CARMIL3: variants seen among roughly 807,000 people sequenced by gnomAD.
CARMIL3 encodes capping protein regulator and myosin 1 linker 3, also known as capping protein, Arp2/3 and myosin-I linker protein 3.
Under a neutral mutation model 180.8 loss-of-function variants are expected in CARMIL3, and 88 were observed. The ratio of observed to expected loss-of-function variants is 0.49; its 90% CI spans 0.41 to 0.58. The LOEUF is 0.58. CARMIL3 is among the 20% of genes least tolerant of loss of function. The probability of loss-of-function intolerance (pLI) is 0.00; values close to 1 mark genes in which losing one functional copy is unlikely to be tolerated. For synonymous variants in CARMIL3, 696 were observed against 714.5 expected, an observed-to-expected ratio of 0.97 and a Z score of 0.41; for missense variants, 1,548 against 1,787.0, an observed-to-expected ratio of 0.87 and a Z score of 2.41.
At position 24,056,669 on chromosome 14, in the gene CARMIL3, A is replaced by T. The variant is rs1401872533; in HGVS notation, c.913A>T (p.Thr305Ser). The T allele has an allele frequency of 6.2e-7, 1 of 1,613,696 alleles. No individual in the cohort carries two copies. The highest frequency in any genetic ancestry group is 1.7e-5 in the Admixed American group (1 of 60,026). The stretch of plus-strand genomic sequence containing the variant: ...GCTCCTCTGCTTCCCCTCTGGCCTC[A>T]CCAAACTGTGCCTGGCCAAGACTGC... ...QQLLCFPSGL[T>S]KLCLAKTAIS... The change falls in exon 12 of 40, where the codon ACC becomes TCC. Residue 305 changes from threonine to serine, a missense_variant. Transcript: ENST00000342740.
Position 24,052,029 on chromosome 14 carries a change from A to T in CARMIL3, c.-125A>T. ...CGCTCAAGCAGCCGCCCCTGACCGGAGCGGGCTCGGCCGCTGCTGCAGCGC... is the reference window on the plus strand; with the variant it reads ...CGCTCAAGCAGCCGCCCCTGACCGGTGCGGGCTCGGCCGCTGCTGCAGCGC... On this transcript the variant is annotated 5_prime_UTR_variant, in exon 1 of 40. Coordinates refer to ENST00000342740, the MANE Select transcript of CARMIL3 (RefSeq NM_138360.4). 1.1e-6 allele frequency: 1 copy of T among 911,276 alleles called. No homozygotes were observed. Among genetic ancestry groups the T allele is most frequent in the Non-Finnish European group, 1.5e-6 (1 of 663,962 alleles). The allele number at this position is 911,276 out of a possible 1,614,324, so 56.4% of individuals were successfully genotyped here. A position where few individuals can be genotyped will look rare whatever the true frequency, so the allele number is the denominator to read the frequency against.
intron 13 of CARMIL3, 39 bp downstream of exon 13, chr14:24,057,063 A>G: frequency 6.2e-7 from 1 of 1,603,858 alleles, no homozygotes; most frequent in Non-Finnish European, 8.5e-7. Context: ...TGCAGAAAGC[A>G]TGCTTAAGCT....
intron 27 of CARMIL3, chr14:24,062,253 C>T: frequency 1.7e-6 from 1 of 590,188 alleles, no homozygotes; most frequent in East Asian, 2.8e-5. Flanking sequence ...ATTCCTCTTT[C>T]CCCACACATA....
In CARMIL3 at chr14:24,063,385, T is replaced by A; in HGVS notation, c.2831T>A (p.Phe944Tyr). 1 of 1,613,204 alleles carries A rather than the reference T, an allele frequency of 6.2e-7. No individual in the cohort carries two copies. The highest frequency in any genetic ancestry group is 8.5e-7 in the Non-Finnish European group (1 of 1,179,682). The change falls in exon 31 of 40, where the codon TTC (phenylalanine) becomes TAC (tyrosine). Residue 944 changes from phenylalanine (F) to tyrosine (Y), a missense_variant. Coordinates refer to ENST00000342740, the MANE Select transcript of CARMIL3 (RefSeq NM_138360.4). Reference protein sequence around the residue: ...LGNLGIPPGWFSGLGGSQPTA... With the variant: ...LGNLGIPPGWYSGLGGSQPTA... ...AATCTGGGGATCCCCCCTGGCTGGT[T>A]CTCAGGACTTGGGGGCAGCCAGCCC... is the stretch of plus-strand genomic sequence containing the variant.
At position 24,063,162 on chromosome 14, in the gene CARMIL3, C is replaced by A; in HGVS notation, c.2749C>A (p.Arg917=). Residue 917 remains arginine (R), a synonymous_variant, in exon 30 of 40, where the codon CGG becomes AGG. Coordinates refer to ENST00000342740, the MANE Select transcript of CARMIL3 (RefSeq NM_138360.4). ...AAAGCAGAAACGCTGCCGCAAGATT[C>A]GGCCGGTGTCTGCCTTCATCAGTGA... is the stretch of plus-strand genomic sequence containing the variant. ...IKKQKRCRKI[R]PVSAFISGSP... 6.2e-7 allele frequency: 1 copy of A among 1,613,394 alleles called. No homozygotes were observed.
chr14:24,065,690 C>G lies in CARMIL3; in HGVS notation c.3465C>G (p.His1155Gln). ...APGTAQQPRVHGVALPGLERA... is the reference protein window; with the variant it reads ...APGTAQQPRVQGVALPGLERA... ...GGACAGCACAGCAGCCAAGGGTTCACGGTGTTGCCCTTCCCGGGTTGGAAA... is the reference window on the plus strand; with the variant it reads ...GGACAGCACAGCAGCCAAGGGTTCAGGGTGTTGCCCTTCCCGGGTTGGAAA... Residue 1155 changes from histidine (H) to glutamine (Q), a missense_variant, in exon 34 of 40, where the codon CAC becomes CAG. This residue lies in a region of CARMIL3 where 668 missense variants were observed against 687.8 expected (regional missense o/e 0.97). Transcript: ENST00000342740. 6.2e-7 allele frequency: 1 copy of G among 1,614,032 alleles called. No individual in the cohort carries two copies.
chr14:24,055,878 C>T, intron 10 of CARMIL3, 89 bp downstream of exon 10: 1 of 1,194,372 alleles, frequency 8.4e-7, no homozygotes, highest in Admixed American at 1.9e-5. Context: ...GGCCTCTGGA[C>T]TATCTTATCC....
At position 24,061,844 on chromosome 14, in the gene CARMIL3, T is replaced by C; in HGVS notation, c.2480+172T>C. 1 of 802,590 alleles carries C rather than the reference T, an allele frequency of 1.2e-6. No individual in the cohort carries two copies. The highest frequency in any genetic ancestry group is 1.9e-6 in the Non-Finnish European group (1 of 529,284). The allele number at this position is 802,590 out of a possible 1,614,324, so 49.7% of individuals were successfully genotyped here. A position where few individuals can be genotyped will look rare whatever the true frequency, so the allele number is the denominator to read the frequency against. The stretch of plus-strand genomic sequence containing the variant: ...TTTAGGGTCTGGCTGGTCTTTGCCC[T>C]AGAAATCTAAGTGCTGAGCTGGGGT... On this transcript the variant is annotated intron_variant, in intron 27 of 39. Transcript: ENST00000342740. The surrounding 1 kb of genome is among the most constrained non-coding windows in gnomAD (Gnocchi z 4.1).
chr14:24,056,475 G>C, intron 11 of CARMIL3, 82 bp downstream of exon 11: 1 of 1,500,574 alleles, frequency 6.7e-7, no homozygotes, highest in Non-Finnish European at 9.2e-7. Flanking sequence ...CTGAACAGCA[G>C]CTCTCCAGCC....
chr14:24,058,686 T>C lies in CARMIL3; in HGVS notation c.1399T>C (p.Ser467Pro). 6.2e-7 allele frequency: 1 copy of C among 1,614,082 alleles called. No homozygotes were observed. Among genetic ancestry groups the C allele is most frequent in the Non-Finnish European group, 8.5e-7 (1 of 1,180,010 alleles). The change falls in exon 18 of 40, where the codon TCA (serine) becomes CCA (proline). Residue 467 changes from serine to proline, a missense_variant. By Grantham distance (74) the Ser-to-Pro change is moderately conservative. Coordinates refer to ENST00000342740, the MANE Select transcript of CARMIL3 (RefSeq NM_138360.4). This position sits in a 1 kb window ranked among gnomAD's most constrained non-coding sequence, Gnocchi z 6.4. The stretch of plus-strand genomic sequence containing the variant: ...CCTCACCTTGTCCCTGCAGCTCCGT[T>C]CAGCGGGAGCCCAAGCCTTGCAGGA... ...HLDLSSCELR[S>P]AGAQALQEQL... is the part of the protein sequence containing the mutation.
At chr14:24,062,598 C>CG in intron 28 of CARMIL3, 31 bp downstream of exon 28, 2 of 1,613,568 alleles carry the variant, frequency 1.2e-6, no homozygotes, top group Non-Finnish European at 1.7e-6. Flanking sequence ...TGGCCTGGCT[C>CG]GGGCACGCCC....
chr14:24,058,463 G>A lies in CARMIL3; in HGVS notation c.1393-217G>A, dbSNP rs7146599. 0.39 allele frequency among the ~76,000 whole-genome samples: 58,613 copies of A among 151,996 alleles called. 13,739 individuals are homozygous for A. Among genetic ancestry groups the A allele is most frequent in the Middle Eastern group, 0.56 (165 of 294 alleles). The stretch of plus-strand genomic sequence containing the variant: ...GAGATACCAGACTTTTCCACCAGAG[G>A]GCAGGAGCAAGCTGTCTTAGGAATA... On this transcript the variant is annotated intron_variant, in intron 17 of 39. Transcript: ENST00000342740. The surrounding 1 kb of genome is among the most constrained non-coding windows in gnomAD (Gnocchi z 6.4).
rs144419221 is a variant in CARMIL3 at position 24,065,705 on chromosome 14, C to T, written c.3480C>T (p.Pro1160=). Residue 1160 remains proline, a synonymous_variant, in exon 34 of 40, where the codon CCC becomes CCT. Transcript: ENST00000342740. ...CAAGGGTTCACGGTGTTGCCCTTCC[C>T]GGGTTGGAAAGAGCCAAGGGTTGGA... The part of the protein sequence containing the change: ...QQPRVHGVAL[P]GLERAKGWSF... 12 of 1,613,930 alleles carry T rather than the reference C, an allele frequency of 7.4e-6. No individual in the cohort carries two copies. Among genetic ancestry groups the T allele is most frequent in the South Asian group, 2.2e-5 (2 of 91,080 alleles).
chr14:24,063,989 G>T (rs1594553207), intron 31 of CARMIL3, among the ~76,000 whole-genome samples: 1 of 152,078 alleles, frequency 6.6e-6, no homozygotes, highest in South Asian at 2.1e-4. Flanking sequence ...AGCTACTCGG[G>T]AGGCTGAGGC....
Position 24,069,192 on chromosome 14 carries a change from G to T in CARMIL3, c.4038G>T (p.Arg1346=), listed in dbSNP as rs199580659. 1 of 1,614,052 alleles carries T rather than the reference G, an allele frequency of 6.2e-7. No homozygotes were observed. Among genetic ancestry groups the T allele is most frequent in the East Asian group, 2.2e-5 (1 of 44,884 alleles). ...TAPLKPKRTR[R]AQSCDKLEPD... ...CCCTGAAGCCCAAGAGGACACGGCGGGCACAGTCCTGTGACAAGCTGGAAC... is the reference window on the plus strand; with the variant it reads ...CCCTGAAGCCCAAGAGGACACGGCGTGCACAGTCCTGTGACAAGCTGGAAC... Residue 1346 remains arginine, a synonymous_variant, in exon 39 of 40, where the codon CGG becomes CGT. Transcript: ENST00000342740.
Position 24,062,496 on chromosome 14 carries a change from G to T in CARMIL3, c.2497G>T (p.Val833Phe), listed in dbSNP as rs762381980. ...TGCCCACAGTGAAGTGAAGCTCTCA[G>T]TCGTCACCTACCTAACCAGCTCCAT... is the stretch of plus-strand genomic sequence containing the variant. ...QNKLDEVKLS[V>F]VTYLTSSIVD... The change falls in exon 28 of 40, where the codon GTC (valine) becomes TTC (phenylalanine). Residue 833 changes from valine to phenylalanine, a missense_variant. Transcript: ENST00000342740. 2 of 1,614,188 alleles carry T rather than the reference G, an allele frequency of 1.2e-6. No homozygotes were observed. The highest frequency in any genetic ancestry group is 2.2e-5 in the East Asian group (1 of 44,890).
intron 29 of CARMIL3, 82 bp from the exon 30 acceptor site, chr14:24,063,038 G>C: frequency 6.3e-7 from 1 of 1,575,990 alleles, no homozygotes; most frequent in Non-Finnish European, 8.7e-7. Flanking sequence ...CGAGGGGCAG[G>C]ATGGGCTCAA....
chr14:24,053,061 T>TGC (rs1172849464), intron 1 of CARMIL3, among the ~76,000 whole-genome samples: 1 of 146,434 alleles, frequency 6.8e-6, no homozygotes, highest in African/African-American at 2.7e-5. Context: ...CACACGCGCG[T>TGC]GCACACACAC....
At position 24,058,328 on chromosome 14, in the gene CARMIL3, C is replaced by T. The variant is rs918741842; in HGVS notation, c.1392+104C>T. The T allele has an allele frequency of 4.2e-5, 55 of 1,295,954 alleles. No individual in the cohort carries two copies. Among genetic ancestry groups the T allele is most frequent in the African/African-American group, 5.9e-5 (4 of 67,984 alleles). The allele number at this position is 1,295,954 out of a possible 1,614,324, so 80.3% of individuals were successfully genotyped here. A position where few individuals can be genotyped will look rare whatever the true frequency, so the allele number is the denominator to read the frequency against. ...ATCTAGCCTCTGTGCTGACCCTCTGCGACCCCCTGACCTGGCCACACCACC... is the reference window on the plus strand; with the variant it reads ...ATCTAGCCTCTGTGCTGACCCTCTGTGACCCCCTGACCTGGCCACACCACC... On this transcript the variant is annotated intron_variant, in intron 17 of 39. Transcript: ENST00000342740. This position sits in a 1 kb window ranked among gnomAD's most constrained non-coding sequence, Gnocchi z 6.4.
Sources: gnomAD v4.1 joint callset for allele counts (sites outside exome capture counted in the v4.1 genomes callset) on GRCh38, gnomAD v4.1.1 for gene constraint, gnomAD v4.1.1 regional missense constraint, Gnocchi (gnomAD v3.1) non-coding constraint, MANE v1.5 for transcripts, NCBI Gene and HGNC (gene_info 2026-07-23, HGNC 2026-07-21) for gene names.